FSIP2: variants seen among roughly 807,000 people sequenced by gnomAD.
FSIP2 encodes the protein fibrous sheath-interacting protein 2.
In FSIP2, 367 loss-of-function variants were observed where a neutral mutation model predicts 510.5. The observed-to-expected ratio is 0.72, with a 90% CI of 0.66 to 0.78. FSIP2 has a LOEUF of 0.78. FSIP2 is among the 30% of genes least tolerant of loss of function. The pLI, the probability that FSIP2 is intolerant of heterozygous loss-of-function variation, is 0.00. For synonymous variants in FSIP2, 2,601 were observed against 2,732.2 expected, an observed-to-expected ratio of 0.95 and a Z score of 1.50; for missense variants, 7,594 against 7,901.7, an observed-to-expected ratio of 0.96 and a Z score of 1.48.
At position 185,795,624 on chromosome 2, in the gene FSIP2, A is replaced by AT. The variant is rs1559029421; in HGVS notation, c.8493dup (p.Pro2832SerfsTer2). On this transcript the variant is annotated frameshift_variant, in exon 16 of 23. Coordinates refer to ENST00000424728, the MANE Select transcript of FSIP2 (RefSeq NM_173651.4). LOFTEE classifies it high-confidence loss of function. ...GAATGTTTCTTCACAGCTAGAGCAC[A>AT]TTTTTCCTAGAGAAGGTATATTTAA... 2 of 1,534,968 alleles carry AT rather than the reference A, an allele frequency of 1.3e-6. No homozygotes were observed. The highest frequency in any genetic ancestry group is 2.4e-5 in the South Asian group (2 of 83,990).
chr2:185,779,527 T>A (rs1383392240), intron 13 of FSIP2, among the ~76,000 whole-genome samples: 1 of 152,134 alleles, frequency 6.6e-6, no homozygotes, highest in East Asian at 1.9e-4. Context: ...GCTGTAAATT[T>A]ACTCTTCTAG....
At chr2:185,738,758 A>C, upstream of FSIP2, 1 of 1,535,964 alleles carries the variant, frequency 6.5e-7, no homozygotes, top group East Asian at 2.4e-5. Flanking sequence ...CTACCATTGG[A>C]AGCCTGGAAC....
Position 185,805,318 on chromosome 2 carries a change from T to C in FSIP2, c.16012T>C (p.Phe5338Leu). The change falls in exon 17 of 23, where the codon TTT becomes CTT. Residue 5338 changes from phenylalanine to leucine, a missense_variant. Physicochemically the swap from Phe to Leu is conservative, Grantham distance 22 (BLOSUM62 0). Transcript: ENST00000424728. The stretch of plus-strand genomic sequence containing the variant: ...AGTTTTACCAAATGCTGAAAAAATG[T>C]TTTCTTTTCCACCAATTGATAAAGA... ...IKVLPNAEKMFSFPPIDKETV... is the reference protein window; with the variant it reads ...IKVLPNAEKMLSFPPIDKETV... 1 of 1,597,284 alleles carries C rather than the reference T, an allele frequency of 6.3e-7. No homozygotes were observed. The highest frequency in any genetic ancestry group is 8.5e-7 in the Non-Finnish European group (1 of 1,174,300).
rs144702237 is a variant in FSIP2, at chr2:185,808,758, C to T, written c.19452C>T (p.Asp6484=). 1.8e-3 allele frequency: 2,850 copies of T among 1,612,492 alleles called. 13 individuals carry two copies. Among genetic ancestry groups the T allele is most frequent in the Admixed American group, 9.3e-3 (554 of 59,864 alleles). ...ISNADLSGEL[D]VNRIVQKAQE... is the part of the protein sequence containing the mutation. ...ATGCTGATCTCTCTGGAGAGCTAGA[C>T]GTTAATAGAATTGTTCAAAAGGCCC... Residue 6484 remains aspartate, a synonymous_variant, in exon 17 of 23, where the codon GAC becomes GAT. Transcript: ENST00000424728.
chr2:185,742,009 G>C (rs894131624), intron 2 of FSIP2, among the ~76,000 whole-genome samples: 3 of 152,072 alleles, frequency 2.0e-5, no homozygotes, highest in Non-Finnish European at 4.4e-5. Context: ...GTGTTGTTGT[G>C]GTAGTATAAA....
intron 7 of FSIP2, among the ~76,000 whole-genome samples, chr2:185,750,889 T>C (rs1246850965): frequency 6.6e-6 from 1 of 151,616 alleles, no homozygotes; most frequent in African/African-American, 2.4e-5. Context: ...ATATTTGGAG[T>C]GTGTCCAAGA....
In FSIP2 at chr2:185,789,007, C is replaced by G. The variant is rs1693054169; in HGVS notation, c.1871C>G (p.Ser624Cys). ...CACATAAAAGGACAATCTATAATCT[C>G]TAAACATAAATATAATAAAACCAAC... ...TCHIKGQSII[S>C]KHKYNKTNLL... The change falls in exon 16 of 23, where the codon TCT becomes TGT. Residue 624 changes from serine (S) to cysteine (C), a missense_variant. Physicochemically the swap from Ser to Cys is moderately radical, Grantham distance 112. Coordinates refer to ENST00000424728, the MANE Select transcript of FSIP2 (RefSeq NM_173651.4). 1.3e-6 allele frequency: 2 copies of G among 1,534,106 alleles called. No individual in the cohort carries two copies. Among genetic ancestry groups the G allele is most frequent in the Non-Finnish European group, 1.7e-6 (2 of 1,145,480 alleles).
chr2:185,772,170 A>G (rs1375121602), intron 13 of FSIP2, among the ~76,000 whole-genome samples: 1 of 152,120 alleles, frequency 6.6e-6, no homozygotes, highest in African/African-American at 2.4e-5. Flanking sequence ...AGTCACCACC[A>G]TTTAACCAGT....
intron 17 of FSIP2, among the ~76,000 whole-genome samples, chr2:185,811,278 C>T (rs1449863930): frequency 6.6e-6 from 1 of 151,838 alleles, no homozygotes; most frequent in Admixed American, 6.6e-5. Flanking sequence ...ACCAGTCTGG[C>T]CAACATGATC....
chr2:185,804,847 A>T lies in FSIP2; in HGVS notation c.15541A>T (p.Ser5181Cys). ...TTCCATGGCAGAGGATAATGCAGAAAGTATGCAGTTAGAACCTATTGAAAA... is the reference window on the plus strand; with the variant it reads ...TTCCATGGCAGAGGATAATGCAGAATGTATGCAGTTAGAACCTATTGAAAA... ...RLSMAEDNAE[S>C]MQLEPIENLV... is the part of the protein sequence containing the mutation. Residue 5181 changes from serine to cysteine, a missense_variant, in exon 17 of 23, where the codon AGT becomes TGT. Ser to Cys is a moderately radical substitution (Grantham distance 112). Transcript: ENST00000424728. 6.5e-7 allele frequency: 1 copy of T among 1,530,896 alleles called. No individual in the cohort carries two copies. Among genetic ancestry groups the T allele is most frequent in the Non-Finnish European group, 8.7e-7 (1 of 1,144,364 alleles). 94.8% of individuals were successfully genotyped at this position (1,530,896 alleles called of 1,614,324 possible).
chr2:185,742,044 G>A (rs1691935101), intron 2 of FSIP2, among the ~76,000 whole-genome samples: 1 of 152,138 alleles, frequency 6.6e-6, no homozygotes, highest in Non-Finnish European at 1.5e-5. Flanking sequence ...TGCAAATAGG[G>A]CAGGTGCTCT....
Position 185,801,170 on chromosome 2 carries a change from T to C in FSIP2, c.11864T>C (p.Val3955Ala). 6.5e-7 allele frequency: 1 copy of C among 1,534,056 alleles called. No individual in the cohort carries two copies. The highest frequency in any genetic ancestry group is 8.7e-7 in the Non-Finnish European group (1 of 1,145,516). Residue 3955 changes from valine to alanine, a missense_variant, in exon 17 of 23, where the codon GTA becomes GCA. Val to Ala is a moderately conservative substitution (Grantham distance 64). Coordinates refer to ENST00000424728, the MANE Select transcript of FSIP2 (RefSeq NM_173651.4). Reference protein sequence around the residue: ...ERQRTKEMDKVAIHNKLHQEG... With the variant: ...ERQRTKEMDKAAIHNKLHQEG... ...CAGAGAACAAAGGAAATGGATAAGG[T>C]AGCCATTCATAATAAGCTACATCAG...
At chr2:185,767,182 G>C (rs1412291983) in intron 13 of FSIP2, among the ~76,000 whole-genome samples, 11 of 148,132 alleles carry the variant, frequency 7.4e-5, no homozygotes, top group African/African-American at 2.5e-4. Context: ...GTGGGGGCAG[G>C]GGGGAGGGAT....
At chr2:185,819,836 A>G (rs1428943591) in intron 19 of FSIP2, among the ~76,000 whole-genome samples, 1 of 103,922 alleles carries the variant, frequency 9.6e-6, no homozygotes, top group African/African-American at 3.6e-5. Flanking sequence ...TGCATTTTCA[A>G]TGTATGATAT....
chr2:185,787,065 G>C (rs1693005131), intron 15 of FSIP2, among the ~76,000 whole-genome samples: 1 of 151,640 alleles, frequency 6.6e-6, no homozygotes, highest in Non-Finnish European at 1.5e-5. Flanking sequence ...GTAGGTTTTT[G>C]TTTATCATCT....
chr2:185,754,018 T>C (rs1250636366), intron 8 of FSIP2, among the ~76,000 whole-genome samples, 176 bp downstream of exon 8: 1 of 151,520 alleles, frequency 6.6e-6, no homozygotes, highest in East Asian at 1.9e-4. Flanking sequence ...GTAACAATGA[T>C]AACAAATTAT....
chr2:185,776,436 A>C (rs1190260058), intron 13 of FSIP2, among the ~76,000 whole-genome samples: 1 of 152,078 alleles, frequency 6.6e-6, no homozygotes, highest in African/African-American at 2.4e-5. Context: ...AATCCCTTTC[A>C]GTGTAATGGT....
rs1293982992 is a variant in FSIP2, at chr2:185,796,401, A to G, written c.9265A>G (p.Met3089Val). The change falls in exon 16 of 23, where the codon ATG becomes GTG. Residue 3089 changes from methionine to valine, a missense_variant. By Grantham distance (21) the Met-to-Val change is conservative. Coordinates refer to ENST00000424728, the MANE Select transcript of FSIP2 (RefSeq NM_173651.4). ...ATATGCTGTTAATATCATCAGTGAC[A>G]TGCTTGCTGTAATTAAGAACAAGCT... ...LTYAVNIISD[M>V]LAVIKNKLDN... 1 of 1,533,764 alleles carries G rather than the reference A, an allele frequency of 6.5e-7. No individual in the cohort carries two copies. The highest frequency in any genetic ancestry group is 1.4e-5 in the African/African-American group (1 of 73,032).
chr2:185,748,365 C>A (rs1407374471), intron 7 of FSIP2, among the ~76,000 whole-genome samples: 1 of 151,390 alleles, frequency 6.6e-6, no homozygotes, highest in Admixed American at 6.6e-5. Flanking sequence ...TGGTCTCAAA[C>A]TCCTGAGCTC....
Sources: gnomAD v4.1 joint callset for allele counts (sites outside exome capture counted in the v4.1 genomes callset) on GRCh38, gnomAD v4.1.1 for gene constraint, MANE v1.5 for transcripts, NCBI Gene and HGNC (gene_info 2026-07-23, HGNC 2026-07-21) for gene names.